OCA2: variants seen among roughly 807,000 people sequenced by gnomAD.
OCA2 encodes the protein P protein.
In OCA2, 77 loss-of-function variants were observed where a neutral mutation model predicts 100.2. The ratio of observed to expected loss-of-function variants is 0.77; its 90% confidence interval spans 0.64 to 0.93. The LOEUF (loss-of-function observed/expected upper bound fraction) is 0.93. Ranked by LOEUF, OCA2 falls within the 40% of genes least tolerant of loss-of-function variation. The pLI is 0.00. For synonymous variants in OCA2, 432 were observed against 439.2 expected (o/e 0.98, Z 0.21); for missense variants, 1,062 against 1,089.1 (o/e 0.98, Z 0.35).
chr15:27,771,386 T>TAA lies in OCA2; in HGVS notation c.2433-15916_2433-15915dup, dbSNP rs35814221. Among the ~76,000 whole-genome samples, 895 of 131,624 alleles carry TAA rather than the reference T, an allele frequency of 6.8e-3. 11 individuals carry two copies. Among genetic ancestry groups the TAA allele is most frequent in the African/African-American group, 0.018 (639 of 34,816 alleles). 86.4% of individuals were successfully genotyped at this position (131,624 alleles called of 152,430 possible). A position where few individuals can be genotyped will look rare whatever the true frequency, so the allele number is the denominator to read the frequency against. The stretch of plus-strand genomic sequence containing the variant: ...AGAGGCCCCGGGGGAGAGAGAAGCC[T>TAA]AAAAAAAAAAAAAAAAAATACAGCC... On this transcript the variant is annotated intron_variant, in intron 23 of 23. Transcript: ENST00000354638.
At chr15:27,891,541 G>T (rs905103388) in intron 19 of OCA2, among the ~76,000 whole-genome samples, 1 of 152,126 alleles carries the variant, frequency 6.6e-6, no homozygotes, top group African/African-American at 2.4e-5. Flanking sequence ...TATAAACTAA[G>T]CACATTCTTC....
At chr15:27,741,380 A>G in the OCA2 span, among the ~76,000 whole-genome samples, 1 of 152,210 alleles carries the variant, frequency 6.6e-6, no homozygotes, top group Non-Finnish European at 1.5e-5. Flanking sequence ...AAAGGCCAGA[A>G]AGAAAGGGAT....
chr15:28,075,275 TA>T (rs1049287369), intron 2 of OCA2, among the ~76,000 whole-genome samples: 188 of 152,068 alleles, frequency 1.2e-3, no homozygotes, highest in African/African-American at 4.4e-3. Context: ...ATGCATTTTA[TA>T]AAAAAAAGTT....
intron 23 of OCA2, among the ~76,000 whole-genome samples, chr15:27,796,957 T>G (rs1215419581): frequency 6.6e-6 from 1 of 152,076 alleles, no homozygotes; most frequent in East Asian, 1.9e-4. Context: ...ATGGAGAGGA[T>G]TCTCCCAACC....
In OCA2 at chr15:28,022,622, T is replaced by G. The variant is rs772285669; in HGVS notation, c.574-49A>C. The G allele has an allele frequency of 3.2e-5, 44 of 1,378,218 alleles. No individual in the cohort carries two copies. In the East Asian group the frequency reaches 9.4e-4, roughly 29 times the overall value. The allele number at this position is 1,378,218 out of a possible 1,614,324, so 85.4% of individuals were successfully genotyped here. ...TGACAGAGGTGTGGTATGAGAGCAG[T>G]AAGGTATAAATCATTTTGATAACAG... On this transcript the variant is annotated intron_variant, in intron 5 of 23. Transcript: ENST00000354638.
intron 9 of OCA2, among the ~76,000 whole-genome samples, chr15:27,993,223 G>A (rs183643440): frequency 2.0e-4 from 31 of 152,194 alleles, no homozygotes; most frequent in African/African-American, 7.0e-4. Context: ...AGCACCTACT[G>A]TGCACCCGGC....
chr15:28,016,293 A>T lies in OCA2; in HGVS notation c.808-107T>A, dbSNP rs1232683924. On this transcript the variant is annotated intron_variant, in intron 7 of 23. Transcript: ENST00000354638. ...TTTGTTTCAAAAAAGAAAAGGAGAA[A>T]GAAAGAAACAGGAGAGCATCTTTAT... 3 of 858,526 alleles carry T rather than the reference A, an allele frequency of 3.5e-6. No homozygotes were observed. The East Asian group carries it at 7.2e-5, about 21-fold the overall frequency. 53.2% of individuals were successfully genotyped at this position (858,526 alleles called of 1,614,324 possible).
chr15:28,021,205 C>G (rs547538070), intron 6 of OCA2, among the ~76,000 whole-genome samples: 1 of 152,318 alleles, frequency 6.6e-6, no homozygotes, highest in Admixed American at 6.5e-5. Context: ...CGGATGCCCG[C>G]CGCACTAGCA....
At chr15:28,023,097 T>C (rs1479698720) in intron 5 of OCA2, among the ~76,000 whole-genome samples, 1 of 147,352 alleles carries the variant, frequency 6.8e-6, no homozygotes, top group East Asian at 1.9e-4. Flanking sequence ...AGGTCAGCTC[T>C]TGGGGACCAG....
chr15:28,038,939 G>A (rs1321449820), intron 2 of OCA2, among the ~76,000 whole-genome samples: 2 of 152,180 alleles, frequency 1.3e-5, no homozygotes, highest in Admixed American at 1.3e-4. Context: ...GAGATGCACT[G>A]TAGATCAAAA....
At chr15:28,040,389 G>A (rs2141456079) in intron 2 of OCA2, among the ~76,000 whole-genome samples, 1 of 152,222 alleles carries the variant, frequency 6.6e-6, no homozygotes, top group East Asian at 1.9e-4. Flanking sequence ...AGCTGTAAAT[G>A]CTGACATTAA....
chr15:27,893,553 T>C (rs549218795), intron 19 of OCA2, among the ~76,000 whole-genome samples: 1 of 152,228 alleles, frequency 6.6e-6, no homozygotes, highest in South Asian at 2.1e-4. Flanking sequence ...GGAATATTAA[T>C]ATTAATACCC....
chr15:27,866,642 G>A (rs755054411), intron 21 of OCA2, among the ~76,000 whole-genome samples: 7 of 152,308 alleles, frequency 4.6e-5, no homozygotes, highest in Admixed American at 6.5e-5. Context: ...TTGACAATCC[G>A]CTTGTCCAGT....
chr15:27,896,640 A>C (rs1595596727), intron 19 of OCA2: 1 of 14,960 alleles, frequency 6.7e-5, no homozygotes, highest in Non-Finnish European at 1.3e-4. Flanking sequence ...ATTGACAGCA[A>C]AAAAAAAAAA....
chr15:27,947,324 C>T (rs976491697), intron 18 of OCA2, among the ~76,000 whole-genome samples: 8 of 152,230 alleles, frequency 5.3e-5, no homozygotes, highest in African/African-American at 7.2e-5. Context: ...GCAGAGCCAG[C>T]GCCCAGGCTG....
intron 19 of OCA2, among the ~76,000 whole-genome samples, chr15:27,907,386 C>T (rs1433697450): frequency 6.6e-6 from 1 of 151,782 alleles, no homozygotes; most frequent in Non-Finnish European, 1.5e-5. Context: ...AAGCAGTAAT[C>T]AGAGGAAAAT....
At chr15:28,070,928 A>G (rs12324706) in intron 2 of OCA2, among the ~76,000 whole-genome samples, 6 of 145,708 alleles carry the variant, frequency 4.1e-5, no homozygotes, top group African/African-American at 1.3e-4. Context: ...TAAGGGCGGT[A>G]CAAGATGTGC....
chr15:28,052,293 C>G (rs1002043202), intron 2 of OCA2, among the ~76,000 whole-genome samples: 1 of 152,158 alleles, frequency 6.6e-6, no homozygotes, highest in African/African-American at 2.4e-5. Context: ...GAATTATGCA[C>G]CAGATGGACC....
At chr15:27,750,025 A>G (rs888253506), downstream of OCA2, among the ~76,000 whole-genome samples, 1 of 152,340 alleles carries the variant, frequency 6.6e-6, no homozygotes, top group African/African-American at 2.4e-5. Flanking sequence ...AGCAAAGACA[A>G]TCTTGACCAA....
Sources: gnomAD v4.1 joint callset for allele counts (sites outside exome capture counted in the v4.1 genomes callset) on GRCh38, gnomAD v4.1.1 for gene constraint, MANE v1.5 for transcripts, NCBI Gene and HGNC (gene_info 2026-07-23, HGNC 2026-07-21) for gene names.